Variants in CLCA1 observed in about 807,000 individuals in gnomAD.
The protein encoded by CLCA1 is chloride channel accessory 1, also known as calcium-activated chloride channel regulator 1.
A neutral mutation model predicts 85.6 loss-of-function variants in CLCA1; 59 were observed. The ratio of observed to expected loss-of-function variants is 0.69; its 90% CI spans 0.56 to 0.86. CLCA1 has a LOEUF of 0.86. Among genes scored for constraint, CLCA1 ranks in the 40% least tolerant of loss-of-function variants. The pLI, the probability that CLCA1 is intolerant of heterozygous loss-of-function variation, is 0.00. For synonymous variants in CLCA1, 396 were observed against 398.3 expected, an observed-to-expected ratio of 0.99 and a Z score of 0.07; for missense variants, 1,022 against 1,101.4, an observed-to-expected ratio of 0.93 and a Z score of 1.02.
At chr1:86,481,331 G>T (rs1344042596) in intron 4 of CLCA1, among the ~76,000 whole-genome samples, 1 of 151,640 alleles carries the variant, frequency 6.6e-6, no homozygotes, top group South Asian at 2.1e-4. Context: ...GTAGAGTTGG[G>T]TTTCGCCATG....
At chr1:86,481,199 C>T (rs997168291) in intron 4 of CLCA1, among the ~76,000 whole-genome samples, 2 of 151,698 alleles carry the variant, frequency 1.3e-5, no homozygotes, top group African/African-American at 2.4e-5. Context: ...TGCAGTGGCG[C>T]GATCTCAGCT....
intron 3 of CLCA1, among the ~76,000 whole-genome samples, chr1:86,474,326 G>A (rs1271648664): frequency 6.6e-6 from 1 of 152,122 alleles, no homozygotes; most frequent in Non-Finnish European, 1.5e-5. Flanking sequence ...AGGCCGAGGC[G>A]GGCGGATCAC....
chr1:86,476,741 A>G (rs1647646723), intron 4 of CLCA1, among the ~76,000 whole-genome samples, 188 bp downstream of exon 4: 1 of 152,140 alleles, frequency 6.6e-6, no homozygotes, highest in South Asian at 2.1e-4. Context: ...AGTTAATTGA[A>G]TTATTCACTC....
In CLCA1 at chr1:86,493,538, G is replaced by C. The variant is rs975855575; in HGVS notation, c.1619G>C (p.Gly540Ala). 6.8e-6 allele frequency: 11 copies of C among 1,614,128 alleles called. No homozygotes were observed. Among genetic ancestry groups the C allele is most frequent in the Non-Finnish European group, 9.3e-6 (11 of 1,180,012 alleles). Residue 540 changes from glycine to alanine, a missense_variant, in exon 10 of 14, where the codon GGT becomes GCT. Physicochemically the swap from Gly to Ala is moderately conservative, Grantham distance 60. Coordinates refer to ENST00000394711, the MANE Select transcript of CLCA1 (RefSeq NM_001285.4). ...TGGGATCCCAGTGGACAGAAGCAAG[G>C]TGGCTTTGTAGTGGACAAAAACACC... ...LLWDPSGQKQ[G>A]GFVVDKNTKM...
chr1:86,489,205 C>T lies in CLCA1; in HGVS notation c.1357+35C>T, dbSNP rs138041435. 8.9e-5 allele frequency: 142 copies of T among 1,591,204 alleles called. 1 individual carries two copies. The African/African-American group carries it at 1.8e-3, about 20-fold the overall frequency. Reference sequence around the variant, plus strand: ...GATTTGCTGAGACCCCCGGTATTGTCTCTCCTACTGGACTGTGAGCTCCAG... The same window carrying T: ...GATTTGCTGAGACCCCCGGTATTGTTTCTCCTACTGGACTGTGAGCTCCAG... On this transcript the variant is annotated intron_variant, in intron 8 of 13. Transcript: ENST00000394711.
Position 86,491,781 on chromosome 1 carries a change from G to A in CLCA1, c.1464+410G>A, listed in dbSNP as rs186282057. On this transcript the variant is annotated intron_variant, in intron 9 of 13. Coordinates refer to ENST00000394711, the MANE Select transcript of CLCA1 (RefSeq NM_001285.4). Reference sequence around the variant, plus strand: ...TTTTCCATTACATCAAATTTCTGTTGTTTGCCAAGATTTACATATAATGGA... The same window carrying A: ...TTTTCCATTACATCAAATTTCTGTTATTTGCCAAGATTTACATATAATGGA... 4.6e-5 allele frequency among the ~76,000 whole-genome samples: 7 copies of A among 152,282 alleles called. No individual in the cohort carries two copies. The East Asian group carries it at 1.2e-3, about 25-fold the overall frequency.
At chr1:86,481,310 T>C (rs1647814106) in intron 4 of CLCA1, among the ~76,000 whole-genome samples, 1 of 151,824 alleles carries the variant, frequency 6.6e-6, no homozygotes, top group African/African-American at 2.4e-5. Context: ...CTAATTTTCA[T>C]TGTATTTCTG....
chr1:86,479,919 G>A (rs1019691776), intron 4 of CLCA1, among the ~76,000 whole-genome samples: 2 of 152,012 alleles, frequency 1.3e-5, no homozygotes, highest in Admixed American at 6.6e-5. Flanking sequence ...AACAATGTGG[G>A]CAGACATTAC....
chr1:86,479,010 C>T (rs1259502574), intron 4 of CLCA1, among the ~76,000 whole-genome samples: 1 of 152,110 alleles, frequency 6.6e-6, no homozygotes, highest in Non-Finnish European at 1.5e-5. Flanking sequence ...CCACTATTAT[C>T]ACAATTATTC....
intron 6 of CLCA1, among the ~76,000 whole-genome samples, chr1:86,485,839 A>G (rs1328708748): frequency 2.0e-5 from 3 of 152,220 alleles, no homozygotes; most frequent in Non-Finnish European, 4.4e-5. Flanking sequence ...ATATAAGTCT[A>G]TAGGTCCATA....
At chr1:86,484,193 T>C in intron 5 of CLCA1, among the ~76,000 whole-genome samples, 1 of 152,112 alleles carries the variant, frequency 6.6e-6, no homozygotes, top group East Asian at 1.9e-4. Flanking sequence ...GGATTTACAG[T>C]CCAGTAAGTG....
At chr1:86,485,179 G>A (rs1647930300) in intron 5 of CLCA1, among the ~76,000 whole-genome samples, 164 bp from the exon 6 acceptor site, 1 of 152,180 alleles carries the variant, frequency 6.6e-6, no homozygotes, top group African/African-American at 2.4e-5. Flanking sequence ...CTGGTTTAAG[G>A]TAGGAAATCT....
At chr1:86,481,949 C>G (rs1647834248) in intron 4 of CLCA1, among the ~76,000 whole-genome samples, 3 of 152,252 alleles carry the variant, frequency 2.0e-5, no homozygotes, top group African/African-American at 7.2e-5. Flanking sequence ...ATGCTAACAA[C>G]AGCCCTAAGC....
intron 4 of CLCA1, among the ~76,000 whole-genome samples, chr1:86,481,463 A>G (rs1169924209): frequency 6.6e-6 from 1 of 152,100 alleles, no homozygotes; most frequent in Admixed American, 6.5e-5. Flanking sequence ...ATTAAATAAT[A>G]ATATTAAAAA....
chr1:86,478,547 G>T (rs1004287445), intron 4 of CLCA1, among the ~76,000 whole-genome samples: 1 of 152,134 alleles, frequency 6.6e-6, no homozygotes, highest in African/African-American at 2.4e-5. Context: ...CAGCACAGAG[G>T]GGCTTCTCTG....
intron 1 of CLCA1, among the ~76,000 whole-genome samples, chr1:86,472,442 A>C (rs1647530445): frequency 6.6e-6 from 1 of 152,052 alleles, no homozygotes; most frequent in Non-Finnish European, 1.5e-5. Flanking sequence ...TCTACCTCTG[A>C]ATGCTGGGGT....
At chr1:86,492,166 A>G (rs1292586480) in intron 9 of CLCA1, among the ~76,000 whole-genome samples, 2 of 152,220 alleles carry the variant, frequency 1.3e-5, no homozygotes, top group Non-Finnish European at 2.9e-5. Context: ...TCAGATAAAG[A>G]TAAAGGAAAA....
At position 86,487,417 on chromosome 1, in the gene CLCA1, C is replaced by CGA. The variant is rs570737682; in HGVS notation, c.1182+676_1182+677dup. ...ATTCTGCATCTTCCATTCAGATGAG[C>CGA]GAGAGAGAGAGAGTGTGCAGTACAC... On this transcript the variant is annotated intron_variant, in intron 7 of 13. Coordinates refer to ENST00000394711, the MANE Select transcript of CLCA1 (RefSeq NM_001285.4). Among the ~76,000 whole-genome samples, 699 of 151,876 alleles carry CGA rather than the reference C, an allele frequency of 4.6e-3. 5 individuals carry two copies. Among genetic ancestry groups the CGA allele is most frequent in the Non-Finnish European group, 5.6e-3 (382 of 67,924 alleles).
intron 7 of CLCA1, among the ~76,000 whole-genome samples, chr1:86,487,426 G>A (rs1371985782): frequency 6.6e-6 from 1 of 152,200 alleles, no homozygotes; most frequent in African/African-American, 2.4e-5. Flanking sequence ...GCGAGAGAGA[G>A]AGAGTGTGCA....
Sources: gnomAD v4.1 joint callset for allele counts (sites outside exome capture counted in the v4.1 genomes callset) on GRCh38, gnomAD v4.1.1 for gene constraint, MANE v1.5 for transcripts, NCBI Gene and HGNC (gene_info 2026-07-23, HGNC 2026-07-21) for gene names.